DACH1: variants seen among roughly 807,000 people sequenced by gnomAD.
DACH1 encodes the protein dachshund family transcription factor 1.
In DACH1, 12 loss-of-function variants were observed where a neutral mutation model predicts 54.2. That is an observed-to-expected ratio of 0.22 (90% CI 0.14 to 0.36). DACH1 has a LOEUF of 0.36. DACH1 is among the 10% of genes least tolerant of loss of function. The probability of loss-of-function intolerance (pLI) is 1.00; values close to 1 mark genes in which losing one functional copy is unlikely to be tolerated. For missense variants in DACH1, 805 were observed against 929.8 expected (o/e 0.87, Z 1.75); for synonymous variants, 386 against 366.2 (o/e 1.05, Z -0.62).
chr13:71,602,300 ATTAT>A (rs943705456), intron 3 of DACH1, among the ~76,000 whole-genome samples: 2 of 152,070 alleles, frequency 1.3e-5, no homozygotes, highest in African/African-American at 2.4e-5. Flanking sequence ...AAGTCACTAA[ATTAT>A]TTAGTCAAAT....
chr13:71,501,139 G>T (rs189465698), intron 6 of DACH1, among the ~76,000 whole-genome samples: 1 of 151,926 alleles, frequency 6.6e-6, no homozygotes, highest in Non-Finnish European at 1.5e-5. Context: ...TGATTTTCCC[G>T]GCAATTCCCG....
chr13:71,622,689 T>C (rs1006576067), intron 3 of DACH1, among the ~76,000 whole-genome samples: 2 of 151,854 alleles, frequency 1.3e-5, no homozygotes, highest in Admixed American at 1.3e-4. Flanking sequence ...TGGAATGTAA[T>C]GGAGTCTACC....
At chr13:71,864,190 C>CAG (rs1874551933) in intron 1 of DACH1, among the ~76,000 whole-genome samples, 1 of 119,038 alleles carries the variant, frequency 8.4e-6, no homozygotes, top group East Asian at 5.8e-4. Context: ...TACACACACA[C>CAG]ACACACACAC....
chr13:71,471,438 G>T (rs116461960), intron 10 of DACH1, among the ~76,000 whole-genome samples: 2 of 152,054 alleles, frequency 1.3e-5, no homozygotes, highest in African/African-American at 4.8e-5. Flanking sequence ...TTGGAAAAAT[G>T]TCTATAAATT....
intron 6 of DACH1, among the ~76,000 whole-genome samples, chr13:71,538,066 C>G (rs1185797913): frequency 6.6e-6 from 1 of 152,064 alleles, no homozygotes; most frequent in Admixed American, 6.6e-5. Flanking sequence ...AACACAATCA[C>G]TCATAAACTG....
At chr13:71,791,774 A>T (rs1193088503) in intron 1 of DACH1, among the ~76,000 whole-genome samples, 3 of 152,234 alleles carry the variant, frequency 2.0e-5, no homozygotes, top group Non-Finnish European at 4.4e-5. Flanking sequence ...ATAAAGTTTC[A>T]TCAAAACTAG....
At chr13:71,804,125 C>T (rs560527939) in intron 1 of DACH1, among the ~76,000 whole-genome samples, 7 of 151,950 alleles carry the variant, frequency 4.6e-5, no homozygotes, top group Non-Finnish European at 1.0e-4. Context: ...TAGAGACCAA[C>T]CTGGGCAACA....
chr13:71,679,603 A>G (rs1880774658), intron 2 of DACH1, among the ~76,000 whole-genome samples: 1 of 151,804 alleles, frequency 6.6e-6, no homozygotes. Context: ...AAAAAAAAAC[A>G]TCAGAAACAT....
At chr13:71,775,722 A>G (rs1230950379) in intron 1 of DACH1, among the ~76,000 whole-genome samples, 4 of 152,180 alleles carry the variant, frequency 2.6e-5, no homozygotes, top group Admixed American at 2.6e-4. Context: ...TAACACAATG[A>G]TAGGCAGTAA....
chr13:71,739,356 T>C (rs1295615027), intron 1 of DACH1, among the ~76,000 whole-genome samples: 2 of 152,158 alleles, frequency 1.3e-5, no homozygotes, highest in Non-Finnish European at 2.9e-5. Flanking sequence ...GTGTGTAGAA[T>C]AGCACTGTTC....
At chr13:71,669,776 T>A (rs1006243743) in intron 2 of DACH1, among the ~76,000 whole-genome samples, 5 of 152,102 alleles carry the variant, frequency 3.3e-5, no homozygotes, top group Non-Finnish European at 7.4e-5. Context: ...TAAACTGGGA[T>A]CATAAAACCT....
chr13:71,571,837 G>T (rs147696788), intron 4 of DACH1, among the ~76,000 whole-genome samples: 1 of 149,030 alleles, frequency 6.7e-6, no homozygotes, highest in African/African-American at 2.5e-5. Context: ...CTGGGTTCAC[G>T]CCATTCTCCT....
chr13:71,814,200 C>T (rs918864283), intron 1 of DACH1, among the ~76,000 whole-genome samples: 7 of 152,130 alleles, frequency 4.6e-5, no homozygotes, highest in Non-Finnish European at 8.8e-5. Context: ...TTAAGAATGA[C>T]CTTTAGTGAA....
intron 2 of DACH1, among the ~76,000 whole-genome samples, chr13:71,668,036 A>G (rs1248890749): frequency 6.6e-6 from 1 of 152,134 alleles, no homozygotes; most frequent in Non-Finnish European, 1.5e-5. Flanking sequence ...ATAGAGGGAT[A>G]CATTTGAAAA....
At chr13:71,829,953 T>C (rs1888520428) in intron 1 of DACH1, among the ~76,000 whole-genome samples, 2 of 151,886 alleles carry the variant, frequency 1.3e-5, no homozygotes, top group South Asian at 4.1e-4. Flanking sequence ...CAGTGTTAGA[T>C]GGTGGTTGCT....
chr13:71,485,870 T>A (rs1878460257), intron 7 of DACH1, among the ~76,000 whole-genome samples: 1 of 151,882 alleles, frequency 6.6e-6, no homozygotes, highest in Non-Finnish European at 1.5e-5. Flanking sequence ...CATGAGCCAC[T>A]GCACCTGGCT....
At chr13:71,562,216 A>C (rs2138388638) in intron 4 of DACH1, among the ~76,000 whole-genome samples, 1 of 152,280 alleles carries the variant, frequency 6.6e-6, no homozygotes, top group South Asian at 2.1e-4. Flanking sequence ...CCTTTACCTT[A>C]ATTGATCGGG....
chr13:71,823,295 G>A (rs543945348), intron 1 of DACH1, among the ~76,000 whole-genome samples: 1 of 152,074 alleles, frequency 6.6e-6, no homozygotes, highest in East Asian at 1.9e-4. Flanking sequence ...AAAGGAAAGG[G>A]TCAATGTGTT....
Position 71,508,569 on chromosome 13 carries a change from C to T in DACH1, c.1571-19421G>A, listed in dbSNP as rs141778266. Among the ~76,000 whole-genome samples, 198 of 152,070 alleles carry T rather than the reference C, an allele frequency of 1.3e-3. 2 individuals are homozygous for T. The East Asian group carries it at 0.031, about 24-fold the overall frequency. The stretch of plus-strand genomic sequence containing the variant: ...GCAGCCTCAACTTCCTAGGCTCAAG[C>T]AGTCCTCCCACCTCAGCCTCCTAAG... On this transcript the variant is annotated intron_variant, in intron 6 of 10. Transcript: ENST00000613252.
Sources: allele counts gnomAD v4.1 joint callset (sites outside exome capture counted in the v4.1 genomes callset), GRCh38; gene constraint gnomAD v4.1.1; transcripts MANE v1.5; gene names NCBI Gene and HGNC (gene_info 2026-07-23, HGNC 2026-07-21).